PITPNB: variants seen among roughly 807,000 people sequenced by gnomAD.
PITPNB encodes phosphatidylinositol transfer protein beta isoform.
Under a neutral mutation model 45.9 loss-of-function variants are expected in PITPNB, and 16 were observed. The observed-to-expected ratio is 0.35, with a 90% CI of 0.24 to 0.53. The LOEUF (loss-of-function observed/expected upper bound fraction) is 0.53, where lower values mean the gene tolerates loss of function less well. Among genes scored for constraint, PITPNB ranks in the 20% least tolerant of loss-of-function variants. PITPNB has a pLI of 0.93. For synonymous variants in PITPNB, 112 were observed against 108.9 expected (o/e 1.03, Z -0.18); for missense variants, 188 against 330.5 (o/e 0.57, Z 3.34).
At chr22:27,918,299 A>C (rs1392352316) in intron 1 of PITPNB, among the ~76,000 whole-genome samples, 7 of 152,172 alleles carry the variant, frequency 4.6e-5, no homozygotes, top group Admixed American at 4.6e-4. Flanking sequence ...AAGAATTTAA[A>C]ATGAAGAATT....
In PITPNB at chr22:27,853,287, A is replaced by G; in HGVS notation, c.*415T>C. On this transcript the variant is annotated 3_prime_UTR_variant, in exon 12 of 12. Transcript: ENST00000335272. ...ACCAGCTAGTATTACATTGCAGTCA[A>G]TTTGTCCATTAATGGTATTACTCTG... The G allele has an allele frequency of 3.7e-6, 1 of 269,288 alleles. No homozygotes were observed. The highest frequency in any genetic ancestry group is 7.0e-6 in the Non-Finnish European group (1 of 143,618). The allele number at this position is 269,288 out of a possible 1,614,324, so 16.7% of individuals were successfully genotyped here.
intron 8 of PITPNB, among the ~76,000 whole-genome samples, chr22:27,866,027 G>C (rs769480870): frequency 6.6e-6 from 1 of 152,074 alleles, no homozygotes; most frequent in Non-Finnish European, 1.5e-5. Context: ...GCTAATCTGC[G>C]AGTAAATAAA....
chr22:27,908,926 T>A (rs982270793), intron 3 of PITPNB, among the ~76,000 whole-genome samples: 1 of 152,128 alleles, frequency 6.6e-6, no homozygotes, highest in African/African-American at 2.4e-5. Context: ...AATTTAAGGT[T>A]CTATAAAGAG....
chr22:27,860,127 T>C lies in PITPNB; in HGVS notation c.645+4A>G. ...TAAGTCACCACATTTTGAGCAGATT[T>C]TACCTTTTGAATGAAGTTTTCTACT... is the stretch of plus-strand genomic sequence containing the variant. On this transcript the variant is annotated splice_donor_region_variant and intron_variant, in intron 9 of 11. Coordinates refer to ENST00000335272, the MANE Select transcript of PITPNB (RefSeq NM_012399.5). 6.4e-7 allele frequency: 1 copy of C among 1,568,904 alleles called. No individual in the cohort carries two copies. The highest frequency in any genetic ancestry group is 1.1e-5 in the South Asian group (1 of 90,140).
At chr22:27,855,896 G>A (rs991824079) in intron 10 of PITPNB, among the ~76,000 whole-genome samples, 5 of 152,200 alleles carry the variant, frequency 3.3e-5, no homozygotes, top group African/African-American at 1.2e-4. Context: ...AGAAATTTCT[G>A]CGTGTGAAGA....
At chr22:27,873,273 CAAAACA>C (rs1934722161) in intron 8 of PITPNB, among the ~76,000 whole-genome samples, 1 of 152,068 alleles carries the variant, frequency 6.6e-6, no homozygotes, top group African/African-American at 2.4e-5. Flanking sequence ...GTCTCAAAAA[CAAAACA>C]AAAACAAAAA....
At chr22:27,857,572 C>T (rs1934208548) in intron 10 of PITPNB, among the ~76,000 whole-genome samples, 1 of 152,310 alleles carries the variant, frequency 6.6e-6, no homozygotes, top group East Asian at 1.9e-4. Context: ...TGCAGGGCTT[C>T]CAAAACTGGA....
rs1012563467 is a variant in PITPNB at position 27,860,232 on chromosome 22, C to T, written c.544G>A (p.Ala182Thr). 7 of 1,601,102 alleles carry T rather than the reference C, an allele frequency of 4.4e-6. No individual in the cohort carries two copies. The highest frequency in any genetic ancestry group is 6.0e-6 in the Non-Finnish European group (7 of 1,171,448). Residue 182 changes from alanine to threonine, a missense_variant, in exon 9 of 12, where the codon GCA (alanine) becomes ACA (threonine). Physicochemically the swap from Ala to Thr is moderately conservative, Grantham distance 58. Coordinates refer to ENST00000335272, the MANE Select transcript of PITPNB (RefSeq NM_012399.5). ...PLGPNWKKELANSPDCPQMCA... is the reference protein window; with the variant it reads ...PLGPNWKKELTNSPDCPQMCA... ...ATCTGGGGACAGTCAGGGCTGTTTG[C>T]CAGCTCCTTCTAGATGAGAAAAATT... is the stretch of plus-strand genomic sequence containing the variant.
chr22:27,904,449 T>C (rs924660053), intron 3 of PITPNB, among the ~76,000 whole-genome samples: 1 of 152,188 alleles, frequency 6.6e-6, no homozygotes, highest in African/African-American at 2.4e-5. Flanking sequence ...AGTAGATCAG[T>C]GGTTGCCAGG....
At position 27,851,961 on chromosome 22, in the gene PITPNB, T is replaced by C. The variant is rs1934032093; in HGVS notation, c.*1741A>G. 1 of 152,286 alleles carries C rather than the reference T, an allele frequency of 6.6e-6. No homozygotes were observed. Among genetic ancestry groups the C allele is most frequent in the Non-Finnish European group, 1.5e-5 (1 of 68,028 alleles). The allele number at this position is 152,286 out of a possible 1,614,324, so 9.4% of individuals were successfully genotyped here. On this transcript the variant is annotated 3_prime_UTR_variant, in exon 12 of 12. Transcript: ENST00000335272. ...AATAATCTTCCTCGCACCAAACACT[T>C]TGCAGACAATGATTATGCTCTGACA...
intron 2 of PITPNB, among the ~76,000 whole-genome samples, chr22:27,911,645 T>C (rs555589999): frequency 6.6e-6 from 1 of 152,320 alleles, no homozygotes; most frequent in East Asian, 1.9e-4. Flanking sequence ...CAAATCTTAG[T>C]AGACTTCTGG....
Position 27,864,759 on chromosome 22 carries a change from G to A in PITPNB, c.535-4518C>T, listed in dbSNP as rs183551680. Among the ~76,000 whole-genome samples, 504 of 152,182 alleles carry A rather than the reference G, an allele frequency of 3.3e-3. 5 individuals are homozygous for A. Among genetic ancestry groups the A allele is most frequent in the African/African-American group, 0.011 (462 of 41,542 alleles). ...TCTAAATCAGCCTGGCCAACATGGT[G>A]AAACCCCGTCTCTACTAAAGATACA... On this transcript the variant is annotated intron_variant, in intron 8 of 11. Coordinates refer to ENST00000335272, the MANE Select transcript of PITPNB (RefSeq NM_012399.5).
intron 2 of PITPNB, among the ~76,000 whole-genome samples, chr22:27,911,905 T>C (rs1010891185): frequency 5.3e-5 from 8 of 152,204 alleles, no homozygotes; most frequent in Admixed American, 4.6e-4. Context: ...CATCAATACC[T>C]GTAAGTCAAC....
chr22:27,853,948 T>TA (rs1555886287), intron 11 of PITPNB, among the ~76,000 whole-genome samples: 1 of 151,900 alleles, frequency 6.6e-6, no homozygotes, highest in Non-Finnish European at 1.5e-5. Flanking sequence ...TTTTTTTTTT[T>TA]AATGAACATG....
At chr22:27,883,988 G>GA (rs1456525229) in intron 7 of PITPNB, among the ~76,000 whole-genome samples, 3 of 152,062 alleles carry the variant, frequency 2.0e-5, no homozygotes, top group South Asian at 2.1e-4. Flanking sequence ...GGGGTATTAA[G>GA]AAAAAAAATG....
intron 5 of PITPNB, 37 bp downstream of exon 5, chr22:27,897,093 T>C: frequency 7.1e-7 from 1 of 1,404,624 alleles, no homozygotes; most frequent in Non-Finnish European, 1.0e-6. Context: ...AGTTTAAAGA[T>C]AAAGAAAGTA....
At position 27,914,345 on chromosome 22, in the gene PITPNB, C is replaced by T. The variant is rs777406432; in HGVS notation, c.23G>A (p.Arg8His). 6.3e-6 allele frequency: 10 copies of T among 1,586,374 alleles called. No homozygotes were observed. The highest frequency in any genetic ancestry group is 2.2e-5 in the East Asian group (1 of 44,598). Residue 8 changes from arginine to histidine, a missense_variant and splice_region_variant, in exon 2 of 12, where the codon CGT (arginine) becomes CAT (histidine). Transcript: ENST00000335272. Reference sequence around the variant, plus strand: ...CTGAACAGAACATGGCAAAACCACACGGCTAAAAAGACAAAAGAAAAAATA... The same window carrying T: ...CTGAACAGAACATGGCAAAACCACATGGCTAAAAAGACAAAAGAAAAAATA... MVLIKEF[R>H]VVLPCSVQEY...
At chr22:27,863,181 A>T (rs760320868) in intron 8 of PITPNB, among the ~76,000 whole-genome samples, 7 of 152,198 alleles carry the variant, frequency 4.6e-5, no homozygotes, top group Non-Finnish European at 8.8e-5. Flanking sequence ...CTAGACTAGG[A>T]GTGCTACTTT....
chr22:27,880,387 G>A (rs752942704), intron 7 of PITPNB, among the ~76,000 whole-genome samples: 9 of 152,258 alleles, frequency 5.9e-5, no homozygotes, highest in South Asian at 2.1e-4. Context: ...ACTTGGAGCT[G>A]TTTATGCTTA....
Sources: gnomAD v4.1 joint callset for allele counts (sites outside exome capture counted in the v4.1 genomes callset) on GRCh38, gnomAD v4.1.1 for gene constraint, MANE v1.5 for transcripts, NCBI Gene and HGNC (gene_info 2026-07-23, HGNC 2026-07-21) for gene names.